DPYD: variants seen among roughly 807,000 people sequenced by gnomAD.
DPYD encodes dihydropyrimidine dehydrogenase [NADP(+)].
A neutral mutation model predicts 116.2 loss-of-function variants in DPYD; 109 were observed. That is an observed-to-expected ratio of 0.94 (90% CI 0.80 to 1.10). The LOEUF is 1.10. Ranked by LOEUF, DPYD falls within the 50% of genes least tolerant of loss-of-function variation. The pLI, the probability that DPYD is intolerant of heterozygous loss-of-function variation, is 0.00. For missense variants in DPYD, 1,302 were observed against 1,254.5 expected, an observed-to-expected ratio of 1.04 and a Z score of -0.57; for synonymous variants, 440 against 432.0, an observed-to-expected ratio of 1.02 and a Z score of -0.23.
chr1:97,414,805 A>G lies in DPYD; in HGVS notation c.1906-32344T>C, dbSNP rs141552150. ...CCTAGCAGTAAGCAGTACTGAAGCA[A>G]TAATATTGCCTGGCATTGTGTTTGG... is the stretch of plus-strand genomic sequence containing the variant. On this transcript the variant is annotated intron_variant, in intron 14 of 22. Coordinates refer to ENST00000370192, the MANE Select transcript of DPYD (RefSeq NM_000110.4). 1.7e-3 allele frequency among the ~76,000 whole-genome samples: 266 copies of G among 152,348 alleles called. 3 individuals carry two copies. Among genetic ancestry groups the G allele is most frequent in the Middle Eastern group, 3.4e-3 (1 of 294 alleles).
rs573751028 is a variant in DPYD, at chr1:97,180,832, G to C, written c.2622+12237C>G. Among the ~76,000 whole-genome samples, 19 of 152,272 alleles carry C rather than the reference G, an allele frequency of 1.2e-4. No homozygotes were observed. In the South Asian group the frequency reaches 3.7e-3, roughly 30 times the overall value. ...GTGTTTGGCAATTTGATGTAGTAAG[G>C]AGAAATGGGGAATCATAATCTGTAT... On this transcript the variant is annotated intron_variant, in intron 20 of 22. Coordinates refer to ENST00000370192, the MANE Select transcript of DPYD (RefSeq NM_000110.4).
At chr1:97,285,514 C>T (rs1043241520) in intron 18 of DPYD, among the ~76,000 whole-genome samples, 6 of 152,060 alleles carry the variant, frequency 3.9e-5, no homozygotes, top group Admixed American at 1.3e-4. Context: ...TATACATACC[C>T]TCAGAAATAC....
intron 20 of DPYD, among the ~76,000 whole-genome samples, chr1:97,143,035 G>A (rs938866669): frequency 2.6e-5 from 4 of 151,570 alleles, no homozygotes; most frequent in Non-Finnish European, 4.4e-5. Flanking sequence ...GTAATATATG[G>A]GTATTATCAT....
At chr1:97,423,615 G>C (rs1674703036) in intron 14 of DPYD, among the ~76,000 whole-genome samples, 1 of 152,070 alleles carries the variant, frequency 6.6e-6, no homozygotes, top group African/African-American at 2.4e-5. Flanking sequence ...TTGAGAGGCA[G>C]ATTGAATAGG....
intron 10 of DPYD, among the ~76,000 whole-genome samples, chr1:97,587,846 A>G (rs1168233520): frequency 6.6e-6 from 1 of 151,774 alleles, no homozygotes. Flanking sequence ...AAAGAAAAAA[A>G]AAAAAGCATG....
chr1:97,521,995 T>C (rs952169459), intron 12 of DPYD, among the ~76,000 whole-genome samples: 1 of 152,158 alleles, frequency 6.6e-6, no homozygotes, highest in Admixed American at 6.5e-5. Flanking sequence ...GACATAGGCA[T>C]GGGCAGACTT....
chr1:97,713,732 T>G (rs976622081), intron 5 of DPYD, among the ~76,000 whole-genome samples: 1 of 152,176 alleles, frequency 6.6e-6, no homozygotes, highest in African/African-American at 2.4e-5. Flanking sequence ...TAGTGCTTAA[T>G]GCATATTTTT....
intron 8 of DPYD, among the ~76,000 whole-genome samples, chr1:97,630,717 A>G (rs150993216): frequency 6.6e-6 from 1 of 152,292 alleles, no homozygotes; most frequent in African/African-American, 2.4e-5. Context: ...CTTTATCTCC[A>G]GTAAGAAAGT....
intron 18 of DPYD, among the ~76,000 whole-genome samples, chr1:97,237,595 T>C (rs1662040494): frequency 6.6e-6 from 1 of 152,186 alleles, no homozygotes. Context: ...AAAAGGCTAA[T>C]AGTGGACAGA....
intron 2 of DPYD, among the ~76,000 whole-genome samples, chr1:97,847,787 A>C (rs1156461533): frequency 1.3e-5 from 2 of 152,188 alleles, no homozygotes; most frequent in Non-Finnish European, 2.9e-5. Flanking sequence ...ATTTGAATGC[A>C]AGTCCAAATA....
intron 19 of DPYD, among the ~76,000 whole-genome samples, chr1:97,219,138 G>A (rs1660618013): frequency 6.6e-6 from 1 of 152,134 alleles, no homozygotes; most frequent in Admixed American, 6.6e-5. Context: ...TTTAGAAAAT[G>A]TAATGAAGAA....
chr1:97,913,305 A>C (rs1674057073), intron 1 of DPYD, among the ~76,000 whole-genome samples: 2 of 152,320 alleles, frequency 1.3e-5, no homozygotes, highest in South Asian at 4.1e-4. Flanking sequence ...CCTACCAAGT[A>C]TGTAAATCGA....
chr1:97,900,845 G>C (rs926370357), intron 1 of DPYD, among the ~76,000 whole-genome samples: 2 of 151,656 alleles, frequency 1.3e-5, no homozygotes, highest in Non-Finnish European at 2.9e-5. Flanking sequence ...AGCCGCAGTA[G>C]ATAACACATT....
At chr1:97,423,724 CCT>C (rs1341501396) in intron 14 of DPYD, among the ~76,000 whole-genome samples, 2 of 152,122 alleles carry the variant, frequency 1.3e-5, no homozygotes, top group Admixed American at 6.6e-5. Context: ...TCACCAACCC[CCT>C]GACATACTGC....
At chr1:97,284,917 T>C (rs545472548) in intron 18 of DPYD, among the ~76,000 whole-genome samples, 1 of 152,352 alleles carries the variant, frequency 6.6e-6, no homozygotes, top group Non-Finnish European at 1.5e-5. Context: ...TATTTTCCTA[T>C]CCATTCTGTA....
chr1:97,780,916 G>A (rs140103835), intron 3 of DPYD, among the ~76,000 whole-genome samples: 460 of 152,218 alleles, frequency 3.0e-3, no homozygotes, highest in Middle Eastern at 6.8e-3. Context: ...ATACAGCAAG[G>A]TAAAGACAAT....
intron 5 of DPYD, chr1:97,721,061 T>TCA: frequency 7.8e-7 from 1 of 1,277,570 alleles, no homozygotes. Context: ...TAACATTACT[T>TCA]AGTTTCAGGG....
chr1:97,163,597 T>C (rs1656087760), intron 20 of DPYD, among the ~76,000 whole-genome samples: 1 of 152,168 alleles, frequency 6.6e-6, no homozygotes, highest in Non-Finnish European at 1.5e-5. Context: ...ATTGGGAGTT[T>C]GGTTTCTGCT....
chr1:97,758,674 A>G (rs1307492183), intron 3 of DPYD, among the ~76,000 whole-genome samples: 5 of 152,216 alleles, frequency 3.3e-5, no homozygotes. Context: ...CAGTCCGACT[A>G]GTAAAATTTT....
Sources: allele counts gnomAD v4.1 joint callset (sites outside exome capture counted in the v4.1 genomes callset), GRCh38; gene constraint gnomAD v4.1.1; transcripts MANE v1.5; gene names NCBI Gene and HGNC (gene_info 2026-07-23, HGNC 2026-07-21).